AFG2A: variants seen among roughly 807,000 people sequenced by gnomAD.
AFG2A encodes the protein AAA ATPase AFG2A, also known as ATPase family gene 2 protein homolog A.
the AFG2A span, among the ~76,000 whole-genome samples, chr4:123,111,652 A>G: frequency 6.8e-3 from 1,036 of 152,328 alleles, 6 homozygotes; most frequent in African/African-American, 0.024. Flanking sequence ...ATGGTAATAT[A>G]GTGAAGATGT....
chr4:123,102,307 A>G, the AFG2A span: 1 of 151,228 alleles, frequency 6.6e-6, no homozygotes, highest in Non-Finnish European at 1.5e-5. Context: ...AAAAAAAAAA[A>G]AAAAAGAAAA....
the AFG2A span, among the ~76,000 whole-genome samples, chr4:123,189,590 G>C: frequency 6.6e-6 from 1 of 151,982 alleles, no homozygotes; most frequent in Non-Finnish European, 1.5e-5. Context: ...TCTTAAGAAT[G>C]GGCCATCCAG....
At chr4:123,207,420 C>T in the AFG2A span, among the ~76,000 whole-genome samples, 1 of 151,630 alleles carries the variant, frequency 6.6e-6, no homozygotes, top group East Asian at 1.9e-4. Context: ...CGCAAGCCAT[C>T]CTCCCACTTC....
At chr4:122,980,452 G>A in the AFG2A span, among the ~76,000 whole-genome samples, 150,978 of 152,342 alleles carry the variant, frequency 0.99, 74,813 homozygotes, top group East Asian at 1. Context: ...GTTGTGAATA[G>A]TGCTGTAGTG....
the AFG2A span, among the ~76,000 whole-genome samples, chr4:123,293,083 G>A: frequency 1.3e-5 from 2 of 152,122 alleles, no homozygotes; most frequent in Non-Finnish European, 2.9e-5. Flanking sequence ...CAGATCAGAC[G>A]AGGCACTTCT....
chr4:123,177,262 G>A, the AFG2A span, among the ~76,000 whole-genome samples: 3,301 of 148,212 alleles, frequency 0.022, 64 homozygotes, highest in Non-Finnish European at 0.035. Context: ...GCACGGTCTC[G>A]GCTCACTGCA....
the AFG2A span, among the ~76,000 whole-genome samples, chr4:123,103,193 A>T: frequency 6.6e-6 from 1 of 152,084 alleles, no homozygotes; most frequent in South Asian, 2.1e-4. Flanking sequence ...CTTTGCTTTA[A>T]GAGATAATAG....
the AFG2A span, among the ~76,000 whole-genome samples, chr4:123,031,308 C>T: frequency 2.0e-5 from 3 of 152,060 alleles, no homozygotes; most frequent in Non-Finnish European, 4.4e-5. Flanking sequence ...AGCACCCCAA[C>T]GCCCAGCTAA....
the AFG2A span, among the ~76,000 whole-genome samples, chr4:123,311,445 G>A: frequency 6.6e-6 from 1 of 151,994 alleles, no homozygotes; most frequent in Non-Finnish European, 1.5e-5. Flanking sequence ...GGCTAATATG[G>A]TGAAACCCCA....
At chr4:123,036,426 C>G in the AFG2A span, among the ~76,000 whole-genome samples, 1 of 152,066 alleles carries the variant, frequency 6.6e-6, no homozygotes, top group East Asian at 1.9e-4. Flanking sequence ...GCCTTTGGGA[C>G]AAAATGTTGA....
the AFG2A span, among the ~76,000 whole-genome samples, chr4:123,166,550 C>G: frequency 1.3e-5 from 2 of 152,256 alleles, no homozygotes; most frequent in Non-Finnish European, 2.9e-5. Flanking sequence ...TAGAAATCAT[C>G]CAGTGCAACT....
At chr4:123,014,560 A>C in the AFG2A span, among the ~76,000 whole-genome samples, 1 of 152,210 alleles carries the variant, frequency 6.6e-6, no homozygotes, top group Non-Finnish European at 1.5e-5. Flanking sequence ...GACTTCATGC[A>C]TAGCCAGATC....
the AFG2A span, among the ~76,000 whole-genome samples, chr4:123,092,154 G>T: frequency 6.6e-6 from 1 of 152,072 alleles, no homozygotes; most frequent in South Asian, 2.1e-4. Flanking sequence ...TGGTGTTAAG[G>T]CATCTCTGAA....
chr4:123,248,580 T>C, the AFG2A span, among the ~76,000 whole-genome samples: 1 of 152,188 alleles, frequency 6.6e-6, no homozygotes, highest in Non-Finnish European at 1.5e-5. Flanking sequence ...CTGATCCCTC[T>C]ATCAGGTTTC....
chr4:122,963,232 A>C, the AFG2A span, among the ~76,000 whole-genome samples: 1 of 152,220 alleles, frequency 6.6e-6, no homozygotes, highest in Non-Finnish European at 1.5e-5. Context: ...GTTGGGTGTT[A>C]TGTGAATGAT....
At chr4:123,242,658 G>A in the AFG2A span, among the ~76,000 whole-genome samples, 800 of 152,116 alleles carry the variant, frequency 5.3e-3, 8 homozygotes, top group African/African-American at 0.018. Flanking sequence ...AGAAGAAAAC[G>A]TAGGCAGTAC....
At chr4:123,051,656 T>TG in the AFG2A span, among the ~76,000 whole-genome samples, 1 of 150,536 alleles carries the variant, frequency 6.6e-6, no homozygotes, top group East Asian at 1.9e-4. Context: ...TTTTTTTTTT[T>TG]TTTTGGCCTG....
chr4:123,012,627 C>T, the AFG2A span, among the ~76,000 whole-genome samples: 1 of 152,144 alleles, frequency 6.6e-6, no homozygotes, highest in Non-Finnish European at 1.5e-5. Context: ...AAGTCTGTGA[C>T]CGGCGCTGGA....
At chr4:123,307,262 C>T in the AFG2A span, among the ~76,000 whole-genome samples, 1 of 152,100 alleles carries the variant, frequency 6.6e-6, no homozygotes, top group Non-Finnish European at 1.5e-5. Context: ...CCATCTCAGC[C>T]TCCTAAGTAG....
Sources: allele counts gnomAD v4.1 joint callset (sites outside exome capture counted in the v4.1 genomes callset), GRCh38; gene constraint gnomAD v4.1.1; transcripts MANE v1.5; gene names NCBI Gene and HGNC (gene_info 2026-07-23, HGNC 2026-07-21).